The following PDE4B variants were observed in gnomAD, a reference collection of about 807,000 sequenced individuals.
PDE4B encodes the protein 3',5'-cyclic-AMP phosphodiesterase 4B.
A neutral mutation model predicts 82.2 loss-of-function variants in PDE4B; 20 were observed. That is an observed-to-expected ratio of 0.24 (90% confidence interval 0.17 to 0.35). The LOEUF is 0.35. PDE4B is among the 10% of genes least tolerant of loss of function. The probability of loss-of-function intolerance (pLI) is 1.00; values close to 1 mark genes in which losing one functional copy is unlikely to be tolerated. For synonymous variants in PDE4B, 320 were observed against 318.9 expected, an observed-to-expected ratio of 1.00 and a Z score of -0.04; for missense variants, 655 against 907.2, an observed-to-expected ratio of 0.72 and a Z score of 3.57.
chr1:66,209,771 A>G (rs1029181984), intron 3 of PDE4B, among the ~76,000 whole-genome samples: 3 of 152,218 alleles, frequency 2.0e-5, no homozygotes, highest in Non-Finnish European at 4.4e-5. Flanking sequence ...TAAAAGGAAT[A>G]GTACAGTATA....
intron 3 of PDE4B, among the ~76,000 whole-genome samples, chr1:66,058,005 C>T (rs188529307): frequency 1.1e-4 from 16 of 152,292 alleles, no homozygotes; most frequent in East Asian, 3.9e-4. Flanking sequence ...AAGTTCCTTT[C>T]GCCTATAAGC....
At chr1:66,310,073 G>A (rs1557693109) in intron 7 of PDE4B, among the ~76,000 whole-genome samples, 1 of 152,174 alleles carries the variant, frequency 6.6e-6, no homozygotes, top group Admixed American at 6.5e-5. Flanking sequence ...TGTCAAGGGA[G>A]CCTCATGTGG....
chr1:66,309,853 A>G (rs1039038811), intron 7 of PDE4B, among the ~76,000 whole-genome samples: 8 of 152,212 alleles, frequency 5.3e-5, no homozygotes, highest in Non-Finnish European at 8.8e-5. Context: ...TATTATGATA[A>G]TAGCAATAAT....
chr1:65,858,188 G>T (rs1646414451), intron 1 of PDE4B, among the ~76,000 whole-genome samples: 1 of 152,148 alleles, frequency 6.6e-6, no homozygotes, highest in Admixed American at 6.6e-5. Context: ...GCAACTCATT[G>T]TAGTCCCTAG....
chr1:66,213,492 C>T (rs1650222521), intron 3 of PDE4B, among the ~76,000 whole-genome samples: 1 of 152,112 alleles, frequency 6.6e-6, no homozygotes, highest in African/African-American at 2.4e-5. Flanking sequence ...GCAATGTAAA[C>T]TAAGCACTAT....
At chr1:66,230,322 C>A (rs565060862) in intron 3 of PDE4B, among the ~76,000 whole-genome samples, 28 of 152,272 alleles carry the variant, frequency 1.8e-4, no homozygotes, top group Admixed American at 1.4e-3. Context: ...CATGGTGGCA[C>A]ATAAGCTTTG....
At chr1:66,130,141 A>C (rs898984084) in intron 3 of PDE4B, among the ~76,000 whole-genome samples, 1 of 152,222 alleles carries the variant, frequency 6.6e-6, no homozygotes, top group South Asian at 2.1e-4. Flanking sequence ...ATTATCAATC[A>C]AAGCAAATGG....
At chr1:66,085,279 T>C (rs554620047) in intron 3 of PDE4B, among the ~76,000 whole-genome samples, 1 of 152,290 alleles carries the variant, frequency 6.6e-6, no homozygotes, top group African/African-American at 2.4e-5. Context: ...TGGATGAACC[T>C]ACAGGTTTGA....
In PDE4B at chr1:66,125,288, C is replaced by T. The variant is rs779274675; in HGVS notation, c.282-122172C>T. On this transcript the variant is annotated intron_variant, in intron 3 of 16. Coordinates refer to ENST00000341517, the MANE Select transcript of PDE4B (RefSeq NM_002600.4). ...AAGCGATTCTCCTGCCTCAGCCTCC[C>T]GAGTAGATGGGATTACAAGTGCCAG... Among the ~76,000 whole-genome samples, 90 of 151,408 alleles carry T rather than the reference C, an allele frequency of 5.9e-4. 1 individual carries two copies. The highest frequency in any genetic ancestry group is 1.1e-3 in the Non-Finnish European group (73 of 67,838).
At chr1:66,186,089 G>A (rs1647201935) in intron 3 of PDE4B, among the ~76,000 whole-genome samples, 1 of 152,158 alleles carries the variant, frequency 6.6e-6, no homozygotes, top group Admixed American at 6.5e-5. Context: ...TTATTAAATA[G>A]GGAATCCTTT....
At position 65,829,760 on chromosome 1, in the gene PDE4B, G is replaced by C. The variant is rs202206652; in HGVS notation, c.-71+36512G>C. 2.6e-5 allele frequency among the ~76,000 whole-genome samples: 4 copies of C among 152,210 alleles called. No individual in the cohort carries two copies. In the East Asian group the frequency reaches 7.7e-4, roughly 29 times the overall value. On this transcript the variant is annotated intron_variant, in intron 1 of 16. Coordinates refer to ENST00000341517, the MANE Select transcript of PDE4B (RefSeq NM_002600.4). ...AAAACAAAACGAAACAAAGCAAAAA[G>C]CATCTGGTACAGATAACCAAGGGGA...
chr1:66,024,290 T>C (rs965944453), intron 3 of PDE4B, among the ~76,000 whole-genome samples: 2 of 152,132 alleles, frequency 1.3e-5, no homozygotes, highest in African/African-American at 4.8e-5. Context: ...AAAATATTAA[T>C]CTAGCATCAC....
intron 3 of PDE4B, among the ~76,000 whole-genome samples, chr1:66,210,369 G>A (rs755186965): frequency 2.4e-4 from 37 of 152,002 alleles, no homozygotes; most frequent in Non-Finnish European, 4.6e-4. Context: ...AGGTCAAGCC[G>A]GGCAGATCAC....
chr1:65,852,203 C>T (rs751769190), intron 1 of PDE4B, among the ~76,000 whole-genome samples: 1 of 151,912 alleles, frequency 6.6e-6, no homozygotes, highest in Non-Finnish European at 1.5e-5. Flanking sequence ...GTTAGACTAT[C>T]AGGGTTATGC....
In PDE4B at chr1:65,821,794, A is replaced by T. The variant is rs116466968; in HGVS notation, c.-71+28546A>T. Among the ~76,000 whole-genome samples the T allele has an allele frequency of 4.0e-3, 611 of 152,314 alleles. 2 individuals are homozygous for T. Among genetic ancestry groups the T allele is most frequent in the African/African-American group, 0.014 (581 of 41,580 alleles). On this transcript the variant is annotated intron_variant, in intron 1 of 16. Transcript: ENST00000341517. ...CATAAGAATCAACTGTAGAGTCTTT[A>T]AAAAATGTCACCCTTAAAACTTATC... is the stretch of plus-strand genomic sequence containing the variant.
chr1:66,224,592 G>A (rs1173792528), intron 3 of PDE4B, among the ~76,000 whole-genome samples: 4 of 152,148 alleles, frequency 2.6e-5, no homozygotes, highest in Admixed American at 2.0e-4. Flanking sequence ...TGTGGCGTGT[G>A]CCTGTAATCC....
chr1:66,187,010 C>A (rs1375208324), intron 3 of PDE4B, among the ~76,000 whole-genome samples: 3 of 152,142 alleles, frequency 2.0e-5, no homozygotes, highest in Non-Finnish European at 4.4e-5. Flanking sequence ...TATGTCCCAT[C>A]AATACCTAAT....
At chr1:66,085,609 G>T (rs993902257) in intron 3 of PDE4B, among the ~76,000 whole-genome samples, 3 of 152,028 alleles carry the variant, frequency 2.0e-5, no homozygotes, top group Non-Finnish European at 4.4e-5. Flanking sequence ...TTGGGAGAAG[G>T]GAGATCTAGA....
At chr1:66,192,472 G>A (rs1258824759) in intron 3 of PDE4B, among the ~76,000 whole-genome samples, 1 of 151,974 alleles carries the variant, frequency 6.6e-6, no homozygotes, top group Non-Finnish European at 1.5e-5. Flanking sequence ...CTGTTTGCTT[G>A]TCCATATCAT....
Sources: allele counts gnomAD v4.1 joint callset (sites outside exome capture counted in the v4.1 genomes callset), GRCh38; gene constraint gnomAD v4.1.1; transcripts MANE v1.5; gene names NCBI Gene and HGNC (gene_info 2026-07-23, HGNC 2026-07-21).